The following C10orf67 variants were observed in gnomAD, a reference collection of about 807,000 sequenced individuals.
C10orf67 encodes the protein chromosome 10 open reading frame 67.
In C10orf67, 60 loss-of-function variants were observed where a neutral mutation model predicts 35.6. That is an observed-to-expected ratio of 1.68 (90% CI 1.37 to 2.09). The LOEUF (loss-of-function observed/expected upper bound fraction) is 2.09, where lower values mean the gene tolerates loss of function less well. Among genes scored for constraint, C10orf67 ranks in the 30% most tolerant of loss-of-function variants. C10orf67 has a pLI of 0.00. For missense variants in C10orf67, 474 were observed against 330.2 expected (o/e 1.44, Z -3.38); for synonymous variants, 167 against 115.8 (o/e 1.44, Z -2.84).
intron 15 of C10orf67, among the ~76,000 whole-genome samples, chr10:23,212,946 T>C (rs375568222): frequency 1.5e-4 from 23 of 152,248 alleles, no homozygotes; most frequent in African/African-American, 5.3e-4. Context: ...TGAAACAGTA[T>C]GACAAAGATT....
chr10:23,205,524 C>T (rs898520374), intron 15 of C10orf67, among the ~76,000 whole-genome samples: 18 of 152,226 alleles, frequency 1.2e-4, no homozygotes, highest in African/African-American at 3.4e-4. Flanking sequence ...TAGAAAAGTA[C>T]TCATCTTACA....
intron 10 of C10orf67, among the ~76,000 whole-genome samples, chr10:23,261,321 T>A (rs1404083427): frequency 6.6e-6 from 1 of 152,190 alleles, no homozygotes; most frequent in African/African-American, 2.4e-5. Flanking sequence ...AAGACACATT[T>A]CTTTGTTTTG....
intron 8 of C10orf67, 53 bp from the exon 9 acceptor site, chr10:23,267,307 G>A (rs913114862): frequency 1.5e-6 from 1 of 656,826 alleles, no homozygotes; most frequent in Non-Finnish European, 2.8e-6. Flanking sequence ...GATTAAAAAA[G>A]ACAATTTTCT....
intron 10 of C10orf67, among the ~76,000 whole-genome samples, chr10:23,257,566 G>T (rs139906439): frequency 6.6e-5 from 10 of 152,268 alleles, no homozygotes; most frequent in African/African-American, 2.4e-4. Flanking sequence ...ACTTTGGGGG[G>T]CCAAGGCAGG....
At chr10:23,205,501 G>C (rs553398929) in intron 15 of C10orf67, among the ~76,000 whole-genome samples, 4 of 152,234 alleles carry the variant, frequency 2.6e-5, no homozygotes, top group African/African-American at 9.6e-5. Context: ...ATGAGTCAAT[G>C]GGTTCCATAA....
intron 13 of C10orf67, among the ~76,000 whole-genome samples, chr10:23,225,984 A>T (rs1383201837): frequency 2.0e-5 from 3 of 152,136 alleles, no homozygotes; most frequent in Non-Finnish European, 4.4e-5. Flanking sequence ...ACACACAATA[A>T]TAATGGGAGA....
At chr10:23,325,629 G>A in intron 2 of C10orf67, among the ~76,000 whole-genome samples, 1 of 144,734 alleles carries the variant, frequency 6.9e-6, no homozygotes, top group Non-Finnish European at 1.5e-5. Flanking sequence ...GAACCCAGAA[G>A]ATAACATCCA....
chr10:23,341,397 TCA>T (rs1845878428), intron 1 of C10orf67, among the ~76,000 whole-genome samples: 1 of 152,206 alleles, frequency 6.6e-6, no homozygotes, highest in Admixed American at 6.5e-5. Context: ...TACCTGTTCA[TCA>T]CAGTCTCTCC....
chr10:23,231,905 T>G (rs1451281101), intron 13 of C10orf67, among the ~76,000 whole-genome samples: 1 of 152,212 alleles, frequency 6.6e-6, no homozygotes, highest in Non-Finnish European at 1.5e-5. Flanking sequence ...GAACAATGTG[T>G]GCATTTTTCA....
intron 10 of C10orf67, among the ~76,000 whole-genome samples, chr10:23,256,885 A>G (rs546968669): frequency 6.6e-6 from 1 of 152,164 alleles, no homozygotes; most frequent in Non-Finnish European, 1.5e-5. Context: ...TGTCTGGCCA[A>G]CCAGGCTCAA....
intron 13 of C10orf67, among the ~76,000 whole-genome samples, chr10:23,230,973 T>C (rs1311012007): frequency 1.3e-5 from 2 of 152,172 alleles, no homozygotes; most frequent in Non-Finnish European, 2.9e-5. Flanking sequence ...TCTCCTCCTT[T>C]CATTTTTTTG....
rs1274321117 is a variant in C10orf67 at position 23,230,738 on chromosome 10, A to G, written c.1435-6920T>C. 3.3e-5 allele frequency among the ~76,000 whole-genome samples: 4 copies of G among 122,908 alleles called. No homozygotes were observed. The Admixed American group carries it at 3.3e-4, about 10-fold the overall frequency. The allele number at this position is 122,908 out of a possible 152,430, so 80.6% of individuals were successfully genotyped here. A position where few individuals can be genotyped will look rare whatever the true frequency, so the allele number is the denominator to read the frequency against. On this transcript the variant is annotated intron_variant, in intron 13 of 15. Coordinates refer to ENST00000636213, the MANE Select transcript of C10orf67 (RefSeq NM_001371909.1). ...CAGTAATCAGGAAAAGGCAAAAAAA[A>G]TTATAAACACACACATACACGTAAA...
At chr10:23,208,352 A>T (rs1841213322) in intron 15 of C10orf67, among the ~76,000 whole-genome samples, 1 of 152,206 alleles carries the variant, frequency 6.6e-6, no homozygotes, top group Non-Finnish European at 1.5e-5. Flanking sequence ...ACACACTGAA[A>T]ATATTTAAAA....
chr10:23,206,764 A>G (rs1050272313), intron 15 of C10orf67, among the ~76,000 whole-genome samples: 3 of 152,214 alleles, frequency 2.0e-5, no homozygotes, highest in Admixed American at 6.5e-5. Flanking sequence ...AGCCCTTTCT[A>G]TTTTAATGAC....
intron 10 of C10orf67, among the ~76,000 whole-genome samples, chr10:23,262,251 C>T (rs1348579964): frequency 1.3e-5 from 2 of 151,514 alleles, no homozygotes; most frequent in Non-Finnish European, 2.9e-5. Context: ...GGAGTCTGGC[C>T]AAATGACCTG....
intron 10 of C10orf67, among the ~76,000 whole-genome samples, chr10:23,259,955 T>A (rs551168139): frequency 6.0e-4 from 91 of 152,244 alleles, no homozygotes; most frequent in Non-Finnish European, 1.2e-3. Context: ...AGCACAGACA[T>A]ATTCGAAGGT....
rs77745025 is a variant in C10orf67 at position 23,259,562 on chromosome 10, A to G, written c.1200+6700T>C. 2.3e-3 allele frequency among the ~76,000 whole-genome samples: 352 copies of G among 152,356 alleles called. 12 individuals carry two copies. In the East Asian group the frequency reaches 0.037, roughly 16 times the overall value. On this transcript the variant is annotated intron_variant, in intron 10 of 15. Transcript: ENST00000636213. The stretch of plus-strand genomic sequence containing the variant: ...CTATCGTTGGGAGACAAAGCAATAA[A>G]CAGAACCAGACTCAAAGATGACCCA...
chr10:23,296,372 G>T (rs1310775379), intron 5 of C10orf67, among the ~76,000 whole-genome samples: 1 of 152,042 alleles, frequency 6.6e-6, no homozygotes, highest in African/African-American at 2.4e-5. Context: ...TCCTGTTTTT[G>T]CCTAATTAGC....
At chr10:23,274,178 G>T (rs1843111169) in intron 8 of C10orf67, among the ~76,000 whole-genome samples, 1 of 152,122 alleles carries the variant, frequency 6.6e-6, no homozygotes, top group Non-Finnish European at 1.5e-5. Context: ...AAGTCAAAGG[G>T]CAGAGCAAGA....
Sources: gnomAD v4.1 joint callset for allele counts (sites outside exome capture counted in the v4.1 genomes callset) on GRCh38, gnomAD v4.1.1 for gene constraint, MANE v1.5 for transcripts, NCBI Gene and HGNC (gene_info 2026-07-23, HGNC 2026-07-21) for gene names.